Variants in TMEM132B observed in about 807,000 individuals in gnomAD.
TMEM132B encodes transmembrane protein 132B.
In TMEM132B, 18 loss-of-function variants were observed where a neutral mutation model predicts 90.8. The ratio of observed to expected loss-of-function variants is 0.20; its 90% CI spans 0.14 to 0.29. TMEM132B has a LOEUF of 0.29. TMEM132B is among the 10% of genes least tolerant of loss of function. The probability of loss-of-function intolerance (pLI) is 1.00; values close to 1 mark genes in which losing one functional copy is unlikely to be tolerated. For synonymous variants in TMEM132B, 504 were observed against 523.3 expected, an observed-to-expected ratio of 0.96 and a Z score of 0.50; for missense variants, 1,096 against 1,326.8, an observed-to-expected ratio of 0.83 and a Z score of 2.70.
At chr12:125,427,313 C>T (rs1471510413) in intron 3 of TMEM132B, among the ~76,000 whole-genome samples, 1 of 152,156 alleles carries the variant, frequency 6.6e-6, no homozygotes, top group Non-Finnish European at 1.5e-5. Flanking sequence ...ATATTATCCC[C>T]TTTAATTATC....
At chr12:125,320,898 T>A (rs1442806358) in intron 1 of TMEM132B, among the ~76,000 whole-genome samples, 1 of 152,206 alleles carries the variant, frequency 6.6e-6, no homozygotes, top group African/African-American at 2.4e-5. Context: ...CACAATGTTT[T>A]TGGTAAATTT....
intron 3 of TMEM132B, among the ~76,000 whole-genome samples, chr12:125,450,998 T>C (rs1306598807): frequency 6.6e-6 from 1 of 152,148 alleles, no homozygotes; most frequent in East Asian, 1.9e-4. Flanking sequence ...TGTATGTGTG[T>C]GTGTGTGTAT....
Position 125,459,373 on chromosome 12 carries a change from C to T in TMEM132B, c.1106+43696C>T, listed in dbSNP as rs571764819. 1.5e-4 allele frequency among the ~76,000 whole-genome samples: 23 copies of T among 152,214 alleles called. No homozygotes were observed. The highest frequency in any genetic ancestry group is 5.5e-4 in the African/African-American group (23 of 41,510). ...GACGAGGGCACGTTTTCTAAAACTACCGAGAGAACTGGAGATCATCATGCT... is the reference window on the plus strand; with the variant it reads ...GACGAGGGCACGTTTTCTAAAACTATCGAGAGAACTGGAGATCATCATGCT... On this transcript the variant is annotated intron_variant, in intron 3 of 8. Transcript: ENST00000682704. The surrounding 1 kb of genome is among the most constrained non-coding windows in gnomAD (Gnocchi z 4.1).
chr12:125,303,303 C>T (rs1013851101), intron 1 of TMEM132B, among the ~76,000 whole-genome samples: 14 of 152,132 alleles, frequency 9.2e-5, no homozygotes, highest in African/African-American at 2.2e-4. Flanking sequence ...CAGGCTCATG[C>T]GTGTTACAGC....
rs186128099 is a variant in TMEM132B at position 125,425,774 on chromosome 12, T to C, written c.1106+10097T>C. Among the ~76,000 whole-genome samples the C allele has an allele frequency of 1.7e-3, 260 of 152,366 alleles. 1 individual carries two copies. The highest frequency in any genetic ancestry group is 6.1e-3 in the African/African-American group (253 of 41,600). On this transcript the variant is annotated intron_variant, in intron 3 of 8. Transcript: ENST00000682704. ...AGTTTCCTCGCTGTCTTTTCTTGGC[T>C]TGATAGCTCATTTCTGTCTATCACT...
At chr12:125,561,287 C>T (rs1020321519) in intron 4 of TMEM132B, among the ~76,000 whole-genome samples, 1 of 152,016 alleles carries the variant, frequency 6.6e-6, no homozygotes, top group African/African-American at 2.4e-5. Flanking sequence ...AAACCAAACA[C>T]CGCATGTTCT....
At chr12:125,472,307 T>A (rs920558151) in intron 3 of TMEM132B, among the ~76,000 whole-genome samples, 2 of 152,132 alleles carry the variant, frequency 1.3e-5, no homozygotes, top group African/African-American at 4.8e-5. Flanking sequence ...TTGGCTGACT[T>A]CTTGTTGTGA....
intron 5 of TMEM132B, among the ~76,000 whole-genome samples, chr12:125,597,489 T>A (rs1056826547): frequency 6.6e-6 from 1 of 152,204 alleles, no homozygotes. Flanking sequence ...TCTTCAAACC[T>A]ATCAAGGCAT....
At chr12:125,469,000 C>T (rs982620069) in intron 3 of TMEM132B, among the ~76,000 whole-genome samples, 1 of 152,174 alleles carries the variant, frequency 6.6e-6, no homozygotes, top group African/African-American at 2.4e-5. Flanking sequence ...GGTTTTCTAC[C>T]TATCAAATCA....
chr12:125,515,222 AC>A (rs377582725), intron 3 of TMEM132B, among the ~76,000 whole-genome samples: 4,748 of 150,864 alleles, frequency 0.031, 221 homozygotes, highest in African/African-American at 0.11. Flanking sequence ...ACACGTTCAC[AC>A]ATTCTCTCAC....
chr12:125,453,375 C>A (rs778232866), intron 3 of TMEM132B, among the ~76,000 whole-genome samples: 1 of 152,076 alleles, frequency 6.6e-6, no homozygotes, highest in Non-Finnish European at 1.5e-5. Context: ...GAAAATGGAT[C>A]GCAGTGTGTC....
At chr12:125,531,487 C>G (rs1051947908) in intron 4 of TMEM132B, among the ~76,000 whole-genome samples, 5 of 152,282 alleles carry the variant, frequency 3.3e-5, no homozygotes, top group African/African-American at 1.2e-4. Flanking sequence ...CTGTGCCTGG[C>G]CTGAGAATTA....
At chr12:125,614,845 C>T (rs1239087686) in intron 5 of TMEM132B, among the ~76,000 whole-genome samples, 1 of 152,098 alleles carries the variant, frequency 6.6e-6, no homozygotes, top group Admixed American at 6.6e-5. Flanking sequence ...CTTCCTTTAC[C>T]ATTTCTTGTA....
At chr12:125,326,992 TTC>T (rs111515334) in intron 1 of TMEM132B, among the ~76,000 whole-genome samples, 11 of 151,814 alleles carry the variant, frequency 7.2e-5, no homozygotes, top group Non-Finnish European at 1.6e-4. Context: ...CTGCTTTCCC[TTC>T]TCTCTCTCTC....
intron 1 of TMEM132B, among the ~76,000 whole-genome samples, chr12:125,203,837 A>G (rs1052644151): frequency 6.6e-6 from 1 of 152,248 alleles, no homozygotes; most frequent in Non-Finnish European, 1.5e-5. Context: ...TGCTGTAGCC[A>G]TATCTGCTGA....
intron 1 of TMEM132B, among the ~76,000 whole-genome samples, chr12:125,295,995 A>G (rs1464191849): frequency 6.6e-6 from 1 of 152,194 alleles, no homozygotes; most frequent in African/African-American, 2.4e-5. Context: ...TCACGTATCA[A>G]TGACATTTCT....
At chr12:125,256,589 C>G (rs1874445091) in intron 1 of TMEM132B, among the ~76,000 whole-genome samples, 2 of 152,244 alleles carry the variant, frequency 1.3e-5, no homozygotes, top group African/African-American at 4.8e-5. Context: ...ACCTGCAAAG[C>G]CTGAAATATT....
intron 5 of TMEM132B, among the ~76,000 whole-genome samples, chr12:125,612,592 A>C (rs1885862738): frequency 6.9e-6 from 1 of 145,824 alleles, no homozygotes; most frequent in African/African-American, 2.5e-5. Flanking sequence ...TATTATATAT[A>C]TACTTCAAAC....
intron 1 of TMEM132B, among the ~76,000 whole-genome samples, chr12:125,255,124 C>T (rs925293356): frequency 6.6e-6 from 1 of 152,108 alleles, no homozygotes; most frequent in African/African-American, 2.4e-5. Flanking sequence ...TGGGGGTTGC[C>T]GAAATCCACG....
Sources: gnomAD v4.1 joint callset for allele counts (sites outside exome capture counted in the v4.1 genomes callset) on GRCh38, gnomAD v4.1.1 for gene constraint, Gnocchi (gnomAD v3.1) non-coding constraint, MANE v1.5 for transcripts, NCBI Gene and HGNC (gene_info 2026-07-23, HGNC 2026-07-21) for gene names.